SGCZ: variants seen among roughly 807,000 people sequenced by gnomAD.
SGCZ encodes zeta-sarcoglycan.
A neutral mutation model predicts 41.3 loss-of-function variants in SGCZ; 40 were observed. That is an observed-to-expected ratio of 0.97 (90% CI 0.75 to 1.26). SGCZ has a LOEUF of 1.26. Among genes scored for constraint, SGCZ ranks in the 50% most tolerant of loss-of-function variants. The pLI is 0.00. For missense variants in SGCZ, 552 were observed against 369.8 expected, an observed-to-expected ratio of 1.49 and a Z score of -4.04; for synonymous variants, 206 against 137.5, an observed-to-expected ratio of 1.50 and a Z score of -3.49.
intron 2 of SGCZ, among the ~76,000 whole-genome samples, chr8:14,435,161 G>A (rs1181763489): frequency 2.0e-5 from 3 of 152,124 alleles, no homozygotes; most frequent in Non-Finnish European, 2.9e-5. Context: ...CGCTGCAGCT[G>A]CAATCACCAC....
intron 2 of SGCZ, among the ~76,000 whole-genome samples, chr8:14,392,167 A>G (rs1276251492): frequency 6.6e-6 from 1 of 152,194 alleles, no homozygotes; most frequent in Non-Finnish European, 1.5e-5. Context: ...CAGTTATTTT[A>G]ATTCAATAAT....
At chr8:15,226,146 ATC>A (rs1801764576) in intron 1 of SGCZ, among the ~76,000 whole-genome samples, 2 of 152,168 alleles carry the variant, frequency 1.3e-5, no homozygotes, top group Non-Finnish European at 2.9e-5. Context: ...AAATTCAAAT[ATC>A]TTGGCCTGTC....
intron 1 of SGCZ, among the ~76,000 whole-genome samples, chr8:15,147,628 G>A (rs916837077): frequency 6.6e-6 from 1 of 152,122 alleles, no homozygotes; most frequent in South Asian, 2.1e-4. Flanking sequence ...TGAAAGTTGG[G>A]CAGGACACGA....
chr8:14,578,419 C>A (rs1221417387), intron 1 of SGCZ, among the ~76,000 whole-genome samples: 2 of 152,206 alleles, frequency 1.3e-5, no homozygotes, highest in Non-Finnish European at 2.9e-5. Flanking sequence ...GTCCTACATG[C>A]TCCCTGGGTT....
intron 1 of SGCZ, among the ~76,000 whole-genome samples, chr8:14,649,669 C>T (rs1224318215): frequency 6.6e-6 from 1 of 152,070 alleles, no homozygotes; most frequent in East Asian, 1.9e-4. Flanking sequence ...AAACACAAGC[C>T]TAATTGCTAA....
At chr8:14,778,976 G>A (rs1585253118) in intron 1 of SGCZ, among the ~76,000 whole-genome samples, 1 of 152,258 alleles carries the variant, frequency 6.6e-6, no homozygotes, top group East Asian at 1.9e-4. Flanking sequence ...AGACATATGT[G>A]CAAGAGTGAT....
At chr8:15,176,930 G>C (rs556258927) in intron 1 of SGCZ, among the ~76,000 whole-genome samples, 1 of 152,162 alleles carries the variant, frequency 6.6e-6, no homozygotes, top group Non-Finnish European at 1.5e-5. Context: ...GAACCCAGGA[G>C]GCAGAGCTTG....
intron 1 of SGCZ, among the ~76,000 whole-genome samples, chr8:14,989,377 T>A (rs1441401712): frequency 6.6e-6 from 1 of 152,086 alleles, no homozygotes; most frequent in Admixed American, 6.6e-5. Flanking sequence ...TCTTAGCTAC[T>A]CAGGAGGCTG....
intron 1 of SGCZ, among the ~76,000 whole-genome samples, chr8:14,836,529 C>T (rs1387734520): frequency 6.6e-6 from 1 of 152,156 alleles, no homozygotes; most frequent in African/African-American, 2.4e-5. Context: ...GACGGGGTCT[C>T]ACTCTGTTGC....
chr8:14,420,847 T>C (rs1799618868), intron 2 of SGCZ, among the ~76,000 whole-genome samples: 1 of 152,164 alleles, frequency 6.6e-6, no homozygotes, highest in African/African-American at 2.4e-5. Context: ...TACTTCATTG[T>C]AACTCTATTA....
intron 4 of SGCZ, among the ~76,000 whole-genome samples, chr8:14,182,503 A>G (rs2117026367): frequency 6.6e-6 from 1 of 152,156 alleles, no homozygotes; most frequent in East Asian, 1.9e-4. Context: ...TTACTCATCT[A>G]CTCATCCAGC....
intron 1 of SGCZ, among the ~76,000 whole-genome samples, chr8:14,938,549 A>G (rs189133339): frequency 3.9e-5 from 6 of 152,328 alleles, no homozygotes; most frequent in Admixed American, 3.9e-4. Flanking sequence ...TATAATATAC[A>G]TAACATACAA....
intron 2 of SGCZ, among the ~76,000 whole-genome samples, chr8:14,386,268 T>C (rs915640996): frequency 2.0e-5 from 3 of 150,958 alleles, no homozygotes. Flanking sequence ...AAAACTTCAG[T>C]ATCAATGATA....
At chr8:14,806,844 C>G (rs1486277190) in intron 1 of SGCZ, among the ~76,000 whole-genome samples, 1 of 151,510 alleles carries the variant, frequency 6.6e-6, no homozygotes, top group African/African-American at 2.4e-5. Context: ...AAAATACTGG[C>G]AAAACGAATC....
chr8:14,412,663 C>T (rs28593702), intron 2 of SGCZ, among the ~76,000 whole-genome samples: 47,426 of 151,740 alleles, frequency 0.31, 7,494 homozygotes, highest in Admixed American at 0.35. Flanking sequence ...CTATTCATTT[C>T]AATAAGGAAT....
chr8:14,521,668 T>A (rs559330376), intron 2 of SGCZ, among the ~76,000 whole-genome samples: 229 of 152,258 alleles, frequency 1.5e-3, no homozygotes, highest in African/African-American at 5.4e-3. Flanking sequence ...AGATGTAGAA[T>A]AACTGAGTCA....
At chr8:14,667,537 T>C (rs894824223) in intron 1 of SGCZ, among the ~76,000 whole-genome samples, 2 of 152,174 alleles carry the variant, frequency 1.3e-5, no homozygotes, top group Non-Finnish European at 2.9e-5. Context: ...CATAAAATAC[T>C]CTTATTCTAC....
intron 1 of SGCZ, among the ~76,000 whole-genome samples, chr8:14,614,772 G>C (rs1806040757): frequency 2.0e-5 from 3 of 152,044 alleles, no homozygotes; most frequent in Non-Finnish European, 4.4e-5. Flanking sequence ...TAACATAAGT[G>C]GTGGGGGATA....
intron 1 of SGCZ, among the ~76,000 whole-genome samples, chr8:14,717,817 T>C (rs1055142787): frequency 6.6e-6 from 1 of 152,088 alleles, no homozygotes; most frequent in Non-Finnish European, 1.5e-5. Flanking sequence ...TGGTTTCTTA[T>C]TTAAAAATCA....
Sources: allele counts gnomAD v4.1 joint callset (sites outside exome capture counted in the v4.1 genomes callset), GRCh38; gene constraint gnomAD v4.1.1; transcripts MANE v1.5; gene names NCBI Gene and HGNC (gene_info 2026-07-23, HGNC 2026-07-21).